Variants in ESR1 observed in about 807,000 individuals in gnomAD.
The protein encoded by ESR1 is estrogen receptor.
ESR1 carries 12 observed loss-of-function variants against 52.7 expected under a neutral mutation model. That is an observed-to-expected ratio of 0.23 (90% confidence interval 0.15 to 0.37). The LOEUF (loss-of-function observed/expected upper bound fraction) is 0.37, where lower values mean the gene tolerates loss of function less well. Among genes scored for constraint, ESR1 ranks in the 10% least tolerant of loss-of-function variants. The pLI, the probability that ESR1 is intolerant of heterozygous loss-of-function variation, is 1.00. For synonymous variants in ESR1, 305 were observed against 316.8 expected (o/e 0.96, Z 0.39); for missense variants, 584 against 779.7 (o/e 0.75, Z 2.99).
rs116707111 is a variant in ESR1 at position 151,820,954 on chromosome 6, A to G, written c.452+12590A>G. On this transcript the variant is annotated intron_variant, in intron 1 of 7. Coordinates refer to ENST00000206249, the MANE Select transcript of ESR1 (RefSeq NM_000125.4). The stretch of plus-strand genomic sequence containing the variant: ...TAAAATTGTAGTGTAATTTGGTGCA[A>G]TCGTCTCTTTGCACAAATAACATCA... Among the ~76,000 whole-genome samples, 716 of 152,294 alleles carry G rather than the reference A, an allele frequency of 4.7e-3. 4 individuals are homozygous for G. Among genetic ancestry groups the G allele is most frequent in the African/African-American group, 0.017 (690 of 41,560 alleles).
chr6:152,050,390 A>G (rs1019240526), intron 5 of ESR1, among the ~76,000 whole-genome samples: 2 of 152,160 alleles, frequency 1.3e-5, no homozygotes, highest in Middle Eastern at 3.2e-3. Context: ...ATCATGCAAC[A>G]TGGTTTTTAC....
chr6:151,831,461 G>C (rs536083768), intron 1 of ESR1, among the ~76,000 whole-genome samples: 4 of 152,204 alleles, frequency 2.6e-5, no homozygotes, highest in African/African-American at 9.6e-5. Flanking sequence ...ATTTCTAATG[G>C]GATTTAGTAT....
chr6:151,811,158 T>C (rs1426914045), intron 1 of ESR1: 1 of 152,200 alleles, frequency 6.6e-6, no homozygotes, highest in Middle Eastern at 3.2e-3. Context: ...TGTGAAGAAA[T>C]GTAATAGATA....
chr6:151,935,216 A>G (rs2034212194), intron 3 of ESR1, among the ~76,000 whole-genome samples: 1 of 152,218 alleles, frequency 6.6e-6, no homozygotes, highest in South Asian at 2.1e-4. Flanking sequence ...CATCATCATC[A>G]TCATTATTAT....
intron 2 of ESR1, among the ~76,000 whole-genome samples, chr6:151,781,347 T>C (rs1415337262): frequency 6.6e-6 from 1 of 152,208 alleles, no homozygotes; most frequent in East Asian, 1.9e-4. Flanking sequence ...GGCCAAGAGG[T>C]AAAATGTGGC....
intron 5 of ESR1, among the ~76,000 whole-genome samples, chr6:152,036,442 T>G (rs1193143224): frequency 6.6e-6 from 1 of 152,208 alleles, no homozygotes; most frequent in Non-Finnish European, 1.5e-5. Flanking sequence ...TTATTATGCT[T>G]TATAAAATAT....
At chr6:152,058,848 G>A (rs1405221354) in intron 5 of ESR1, among the ~76,000 whole-genome samples, 3 of 152,058 alleles carry the variant, frequency 2.0e-5, no homozygotes, top group African/African-American at 7.2e-5. Context: ...TCTTCTTGTT[G>A]GAGTTCTTTC....
intron 6 of ESR1, among the ~76,000 whole-genome samples, chr6:152,062,356 C>T (rs1250136329): frequency 1.3e-5 from 2 of 152,182 alleles, no homozygotes; most frequent in Admixed American, 1.3e-4. Flanking sequence ...TTCTCTTCCC[C>T]ACCACCACTA....
At chr6:151,833,392 G>T (rs1782764490) in intron 1 of ESR1, among the ~76,000 whole-genome samples, 1 of 152,114 alleles carries the variant, frequency 6.6e-6, no homozygotes, top group Admixed American at 6.5e-5. Flanking sequence ...CTATTTTTCT[G>T]GGGCCCACCA....
intron 2 of ESR1, among the ~76,000 whole-genome samples, chr6:151,749,202 A>G (rs1783717082): frequency 6.6e-6 from 1 of 152,044 alleles, no homozygotes; most frequent in African/African-American, 2.4e-5. Context: ...CAAAAAAAAA[A>G]AAAAAAGCTT....
intron 1 of ESR1, among the ~76,000 whole-genome samples, chr6:151,825,745 C>T (rs1781367023): frequency 6.6e-6 from 1 of 151,872 alleles, no homozygotes; most frequent in South Asian, 2.1e-4. Flanking sequence ...AACCTCGTCT[C>T]TACCAAAAAT....
At chr6:151,914,252 T>C (rs1798703045) in intron 3 of ESR1, among the ~76,000 whole-genome samples, 1 of 108,212 alleles carries the variant, frequency 9.2e-6, no homozygotes, top group South Asian at 2.5e-4. Flanking sequence ...GTCTACTTTT[T>C]CATTAAAAAA....
At chr6:151,904,265 TA>T (rs1361819318) in intron 3 of ESR1, among the ~76,000 whole-genome samples, 1 of 152,152 alleles carries the variant, frequency 6.6e-6, no homozygotes, top group Non-Finnish European at 1.5e-5. Context: ...CTTTAGGGAG[TA>T]GTAAAGCCAT....
chr6:151,870,505 G>A (rs1790752300), intron 2 of ESR1, among the ~76,000 whole-genome samples: 1 of 152,158 alleles, frequency 6.6e-6, no homozygotes, highest in African/African-American at 2.4e-5. Context: ...ACCCTACCAT[G>A]GCACTCCTGA....
At chr6:152,013,319 A>G (rs1309448242) in intron 5 of ESR1, among the ~76,000 whole-genome samples, 1 of 152,038 alleles carries the variant, frequency 6.6e-6, no homozygotes, top group Non-Finnish European at 1.5e-5. Context: ...CAAGTTTGCA[A>G]ATGAAAATCT....
chr6:151,925,434 C>G (rs377060102), intron 3 of ESR1, among the ~76,000 whole-genome samples: 1 of 152,148 alleles, frequency 6.6e-6, no homozygotes, highest in African/African-American at 2.4e-5. Context: ...TGGTGAAACC[C>G]TGTCTCTACT....
At position 152,038,694 on chromosome 6, in the gene ESR1, C is replaced by T. The variant is rs374815507; in HGVS notation, c.1236-22297C>T. Among the ~76,000 whole-genome samples, 12 of 151,980 alleles carry T rather than the reference C, an allele frequency of 7.9e-5. No individual in the cohort carries two copies. The South Asian group carries it at 1.0e-3, about 13-fold the overall frequency. ...TTGCCCAGGCTGGAATGCAGTGGTG[C>T]GATATTGGCTCACTGCAACCTCCGC... On this transcript the variant is annotated intron_variant, in intron 5 of 7. Coordinates refer to ENST00000206249, the MANE Select transcript of ESR1 (RefSeq NM_000125.4).
rs985684242 is a variant in ESR1 at position 151,774,261 on chromosome 6, C to T, written c.-70-33582C>T. 1.4e-4 allele frequency among the ~76,000 whole-genome samples: 22 copies of T among 152,220 alleles called. 1 individual carries two copies. Among genetic ancestry groups the T allele is most frequent in the Admixed American group, 1.4e-3 (21 of 15,284 alleles). On this transcript the variant is annotated intron_variant, in intron 2 of 2. Transcript: ENST00000404742. ...TCTACTTTCAAAAGCTTGCTTTGGT[C>T]ACATTGAAAGGTTCCATTTGGTGAA...
intron 2 of ESR1, among the ~76,000 whole-genome samples, chr6:151,719,843 C>A (rs1026709520): frequency 6.6e-6 from 1 of 152,110 alleles, no homozygotes; most frequent in Non-Finnish European, 1.5e-5. Context: ...AGGTTTCTCC[C>A]TACTACTGAG....
Sources: allele counts gnomAD v4.1 joint callset (sites outside exome capture counted in the v4.1 genomes callset), GRCh38; gene constraint gnomAD v4.1.1; transcripts MANE v1.5; gene names NCBI Gene and HGNC (gene_info 2026-07-23, HGNC 2026-07-21).